The following SOX6 variants were observed in gnomAD, a reference collection of about 807,000 sequenced individuals.
SOX6 encodes the protein transcription factor SOX-6.
In SOX6, 11 loss-of-function variants were observed where a neutral mutation model predicts 97.8. That is an observed-to-expected ratio of 0.11 (90% CI 0.07 to 0.19). The LOEUF (loss-of-function observed/expected upper bound fraction) is 0.19. SOX6 is among the 10% of genes least tolerant of loss of function. The probability of loss-of-function intolerance (pLI) is 1.00; values close to 1 mark genes in which losing one functional copy is unlikely to be tolerated. For synonymous variants in SOX6, 360 were observed against 371.4 expected, an observed-to-expected ratio of 0.97 and a Z score of 0.35; for missense variants, 810 against 1,039.5, an observed-to-expected ratio of 0.78 and a Z score of 3.04.
intron 1 of SOX6, among the ~76,000 whole-genome samples, chr11:16,409,062 G>T (rs1858742087): frequency 1.3e-5 from 2 of 151,998 alleles, no homozygotes; most frequent in African/African-American, 4.8e-5. Flanking sequence ...CTTTTTCTCT[G>T]TTCATTTAAC....
Position 16,097,606 on chromosome 11 carries a change from T to C in SOX6, c.978+3A>G. On this transcript the variant is annotated splice_donor_region_variant and intron_variant, in intron 8 of 15. Coordinates refer to ENST00000683767, the MANE Select transcript of SOX6 (RefSeq NM_001367873.1). The stretch of plus-strand genomic sequence containing the variant: ...TCCCACATTTTTTTCTTCTGGCACT[T>C]ACCTGGAGCTGTAAAGGGCTGAGTC... The C allele has an allele frequency of 6.2e-7, 1 of 1,610,864 alleles. No homozygotes were observed.
chr11:16,409,650 C>A (rs2133054158), intron 1 of SOX6, among the ~76,000 whole-genome samples: 1 of 151,932 alleles, frequency 6.6e-6, no homozygotes, highest in Middle Eastern at 3.4e-3. Context: ...TCACGGTTAT[C>A]CTAAATGGTT....
At chr11:16,602,557 G>A (rs567822949) in intron 4 of SOX6, among the ~76,000 whole-genome samples, 57 of 152,264 alleles carry the variant, frequency 3.7e-4, no homozygotes, top group Non-Finnish European at 4.9e-4. Context: ...TCACATATGT[G>A]TATTCAAGAA....
intron 4 of SOX6, among the ~76,000 whole-genome samples, chr11:16,555,320 T>G (rs547299126): frequency 8.6e-5 from 13 of 151,898 alleles, no homozygotes; most frequent in Non-Finnish European, 1.5e-4. Flanking sequence ...TAGCTGAACA[T>G]CTAACAACAT....
intron 4 of SOX6, among the ~76,000 whole-genome samples, chr11:16,511,967 A>G (rs1422893110): frequency 1.3e-5 from 2 of 152,194 alleles, no homozygotes; most frequent in Non-Finnish European, 2.9e-5. Flanking sequence ...GGAAAGCAAT[A>G]AGCATGGCAA....
At chr11:16,620,382 T>C (rs1197483651) in intron 3 of SOX6, among the ~76,000 whole-genome samples, 1 of 152,212 alleles carries the variant, frequency 6.6e-6, no homozygotes, top group Non-Finnish European at 1.5e-5. Flanking sequence ...GTATATGTTA[T>C]CTATCTGGGC....
chr11:16,340,096 C>T (rs12801555), intron 2 of SOX6, among the ~76,000 whole-genome samples: 15,486 of 151,986 alleles, frequency 0.1, 846 homozygotes, highest in African/African-American at 0.12. Flanking sequence ...GTCTCTGAGA[C>T]ATTAAGCATC....
At chr11:16,244,538 T>C (rs77867718) in intron 3 of SOX6, among the ~76,000 whole-genome samples, 946 of 151,976 alleles carry the variant, frequency 6.2e-3, no homozygotes, top group Non-Finnish European at 0.01. Flanking sequence ...TTTTCCTATG[T>C]TTTCTTCTAG....
intron 1 of SOX6, among the ~76,000 whole-genome samples, chr11:16,361,921 A>G (rs1857219657): frequency 6.6e-6 from 1 of 152,214 alleles, no homozygotes; most frequent in Non-Finnish European, 1.5e-5. Context: ...CTTGTATGTT[A>G]TTCATAATTT....
intron 4 of SOX6, among the ~76,000 whole-genome samples, chr11:16,220,308 A>G (rs1197241359): frequency 6.6e-6 from 1 of 152,044 alleles, no homozygotes; most frequent in Admixed American, 6.6e-5. Context: ...AGGTAAAATA[A>G]TTTGGCCTGT....
intron 13 of SOX6, among the ~76,000 whole-genome samples, chr11:16,008,583 C>A (rs1377328145): frequency 6.6e-6 from 1 of 151,996 alleles, no homozygotes; most frequent in Non-Finnish European, 1.5e-5. Flanking sequence ...TGGAGTTATA[C>A]AAGAATCTTG....
intron 1 of SOX6, among the ~76,000 whole-genome samples, chr11:16,351,759 C>T (rs1856954413): frequency 6.6e-6 from 1 of 152,112 alleles, no homozygotes; most frequent in African/African-American, 2.4e-5. Context: ...CTCTTCTAAA[C>T]ACCTCTAATA....
intron 3 of SOX6, among the ~76,000 whole-genome samples, chr11:16,704,554 T>C (rs1453008726): frequency 1.3e-5 from 2 of 152,222 alleles, no homozygotes; most frequent in Non-Finnish European, 2.9e-5. Context: ...AACAGGCTCT[T>C]AGCATAGGAC....
chr11:16,322,567 T>C (rs1276140778), intron 2 of SOX6, among the ~76,000 whole-genome samples: 2 of 152,150 alleles, frequency 1.3e-5, no homozygotes, highest in African/African-American at 2.4e-5. Flanking sequence ...TATCAAGTCT[T>C]AATGCATGTC....
chr11:16,341,177 T>G lies in SOX6; in HGVS notation c.72A>C (p.Leu24Phe), dbSNP rs1159606984. ...TGCCCTCTTCCTTTTCCCTTGAGGT[T>G]AAATCCTGGGTCATTGCATCCTCTC... Reference protein sequence around the residue: ...ADGEDAMTQDLTSREKEEGSD... With the variant: ...ADGEDAMTQDFTSREKEEGSD... Residue 24 changes from leucine (L) to phenylalanine (F), a missense_variant, in exon 2 of 16, where the codon TTA (leucine) becomes TTC (phenylalanine). Physicochemically the swap from Leu to Phe is conservative, Grantham distance 22 (BLOSUM62 0). Transcript: ENST00000683767. 12 of 1,613,440 alleles carry G rather than the reference T, an allele frequency of 7.4e-6. No individual in the cohort carries two copies. Among genetic ancestry groups the G allele is most frequent in the Non-Finnish European group, 1.0e-5 (12 of 1,179,634 alleles).
intron 4 of SOX6, among the ~76,000 whole-genome samples, chr11:16,546,289 G>A (rs1341160638): frequency 6.6e-6 from 1 of 152,124 alleles, no homozygotes; most frequent in Non-Finnish European, 1.5e-5. Context: ...GCAACCTGCA[G>A]ATTCAATGCA....
At chr11:16,152,154 T>C (rs1850476575) in intron 6 of SOX6, among the ~76,000 whole-genome samples, 1 of 152,236 alleles carries the variant, frequency 6.6e-6, no homozygotes, top group Non-Finnish European at 1.5e-5. Context: ...TTTTCAAACA[T>C]TGAATTAGGG....
chr11:16,224,891 A>G (rs1852640713), intron 4 of SOX6, among the ~76,000 whole-genome samples: 1 of 152,016 alleles, frequency 6.6e-6, no homozygotes, highest in African/African-American at 2.4e-5. Context: ...TCTTCTGGAT[A>G]TTGAGATCCT....
At chr11:16,673,509 G>A (rs1452318653) in intron 3 of SOX6, among the ~76,000 whole-genome samples, 1 of 151,362 alleles carries the variant, frequency 6.6e-6, no homozygotes, top group East Asian at 1.9e-4. Context: ...AACACCAAAA[G>A]AAATAAATAA....
Sources: gnomAD v4.1 joint callset for allele counts (sites outside exome capture counted in the v4.1 genomes callset) on GRCh38, gnomAD v4.1.1 for gene constraint, MANE v1.5 for transcripts, NCBI Gene and HGNC (gene_info 2026-07-23, HGNC 2026-07-21) for gene names.